TMEM231: variants seen among roughly 807,000 people sequenced by gnomAD.
TMEM231 encodes transmembrane protein 231.
In TMEM231, 40 loss-of-function variants were observed where a neutral mutation model predicts 38.5. That is an observed-to-expected ratio of 1.04 (90% CI 0.81 to 1.35). The LOEUF (loss-of-function observed/expected upper bound fraction) is 1.35. TMEM231 is among the 40% of genes most tolerant of loss of function. The probability of loss-of-function intolerance (pLI) is 0.00; values close to 1 mark genes in which losing one functional copy is unlikely to be tolerated. For missense variants in TMEM231, 420 were observed against 416.9 expected (o/e 1.01, Z -0.07); for synonymous variants, 199 against 181.7 (o/e 1.10, Z -0.77).
intron 4 of TMEM231, among the ~76,000 whole-genome samples, chr16:75,544,102 G>T (rs932567917): frequency 6.6e-6 from 1 of 152,216 alleles, no homozygotes; most frequent in African/African-American, 2.4e-5. Flanking sequence ...TACGTCTTCT[G>T]CAAAATGAGT....
Position 75,537,098 on chromosome 16 carries a change from G to C in TMEM231, c.*2896C>G, listed in dbSNP as rs1204668336. On this transcript the variant is annotated 3_prime_UTR_variant, in exon 7 of 7. Coordinates refer to ENST00000258173, the MANE Select transcript of TMEM231 (RefSeq NM_001077418.3). ...GATCATGCTGCTGCACTCCAGCCTG[G>C]GTAACAGAGTGAGACTCTGTCTCAA... 6.8e-6 allele frequency: 1 copy of C among 147,888 alleles called. No individual in the cohort carries two copies. Among genetic ancestry groups the C allele is most frequent in the Non-Finnish European group, 1.5e-5 (1 of 67,592 alleles). The allele number at this position is 147,888 out of a possible 1,614,324, so 9.2% of individuals were successfully genotyped here.
chr16:75,549,857 C>T (rs750609830), intron 2 of TMEM231, among the ~76,000 whole-genome samples: 4 of 152,024 alleles, frequency 2.6e-5, no homozygotes, highest in African/African-American at 7.3e-5. Flanking sequence ...TACAGGTGTG[C>T]GCCACTACGC....
intron 2 of TMEM231, among the ~76,000 whole-genome samples, chr16:75,548,813 G>A (rs1022556902): frequency 6.6e-6 from 1 of 152,216 alleles, no homozygotes; most frequent in Admixed American, 6.5e-5. Flanking sequence ...AGGTTGCAGT[G>A]AGCCGAGATC....
intron 2 of TMEM231, among the ~76,000 whole-genome samples, chr16:75,548,932 A>C (rs1314180423): frequency 6.6e-6 from 1 of 152,142 alleles, no homozygotes; most frequent in Non-Finnish European, 1.5e-5. Context: ...GGATGACCCA[A>C]CTTGTTGGAG....
intron 2 of TMEM231, among the ~76,000 whole-genome samples, chr16:75,553,501 A>G (rs1475992697): frequency 1.3e-5 from 2 of 151,942 alleles, no homozygotes; most frequent in African/African-American, 4.8e-5. Context: ...GCATGCCTGC[A>G]GTCCCAGCTA....
chr16:75,551,918 C>A (rs188095190), intron 2 of TMEM231, among the ~76,000 whole-genome samples: 20 of 150,826 alleles, frequency 1.3e-4, no homozygotes, highest in African/African-American at 4.6e-4. Context: ...GAAGAGATTG[C>A]GCCACTGCAC....
chr16:75,539,925 T>A lies in TMEM231; in HGVS notation c.*69A>T, dbSNP rs139090728. On this transcript the variant is annotated 3_prime_UTR_variant, in exon 7 of 7. Coordinates refer to ENST00000258173, the MANE Select transcript of TMEM231 (RefSeq NM_001077418.3). ...GTGTCCGCTGGGCTCTTTCAAAAGG[T>A]CCTAAGATGTTCCCAGAAGATGACA... The A allele has an allele frequency of 3.1e-3, 4,339 of 1,419,266 alleles. 14 individuals are homozygous for A. Among genetic ancestry groups the A allele is most frequent in the Non-Finnish European group, 3.9e-3 (4,034 of 1,043,386 alleles). 87.9% of individuals were successfully genotyped at this position (1,419,266 alleles called of 1,614,324 possible).
intron 4 of TMEM231, among the ~76,000 whole-genome samples, chr16:75,544,460 G>A (rs912256672): frequency 2.6e-5 from 4 of 152,112 alleles, no homozygotes; most frequent in African/African-American, 9.7e-5. Flanking sequence ...TTGAGGAACA[G>A]CAAAAAGGCC....
At chr16:75,549,910 T>A (rs2080737732) in intron 2 of TMEM231, among the ~76,000 whole-genome samples, 1 of 152,112 alleles carries the variant, frequency 6.6e-6, no homozygotes, top group Non-Finnish European at 1.5e-5. Context: ...GGTTTCACCG[T>A]GTTGGCCAGG....
In TMEM231 at chr16:75,556,120, G is replaced by A. The variant is rs758878104; in HGVS notation, c.90C>T (p.Ala30=). The part of the protein sequence containing the change: ...CSKAALFLLL[A]AALTYIPPLL... ...GCGGCGGGATGTACGTGAGCGCAGC[G>A]GCCAGCAGCAGGAACAGCGCGGCTT... The change falls in exon 1 of 7, where the codon GCC becomes GCT. Residue 30 remains alanine (A), a synonymous_variant. Coordinates refer to ENST00000258173, the MANE Select transcript of TMEM231 (RefSeq NM_001077418.3). The A allele has an allele frequency of 1.8e-5, 29 of 1,575,356 alleles. No homozygotes were observed. In the African/African-American group the frequency reaches 2.3e-4, roughly 13 times the overall value.
At chr16:75,554,662 T>G (rs1236970244) in intron 2 of TMEM231, among the ~76,000 whole-genome samples, 1 of 152,268 alleles carries the variant, frequency 6.6e-6, no homozygotes, top group East Asian at 1.9e-4. Context: ...TTAATAAGTA[T>G]TGATACATAT....
rs115162059 is a variant in TMEM231 at position 75,543,053 on chromosome 16, T to C, written c.583-370A>G. Among the ~76,000 whole-genome samples, 455 of 152,258 alleles carry C rather than the reference T, an allele frequency of 3.0e-3. 1 individual carries two copies. Among genetic ancestry groups the C allele is most frequent in the African/African-American group, 0.011 (448 of 41,552 alleles). On this transcript the variant is annotated intron_variant, in intron 4 of 6. Coordinates refer to ENST00000258173, the MANE Select transcript of TMEM231 (RefSeq NM_001077418.3). The stretch of plus-strand genomic sequence containing the variant: ...GCTATTTTTAAAATACCCCTCTTTA[T>C]CTCAGCGGGAGAAAGAATTCCTTAA...
rs1567433323 is a variant in TMEM231 at position 75,539,132 on chromosome 16, AGGGGGAG to A, written c.*855_*861del. Reference sequence around the variant, plus strand: ...CCTGTCGCCCCTGTCCTTTGCAGGAAGGGGGAGGGCTGTCAAGGAGGAGGAGGGCCAA... The same window carrying A: ...CCTGTCGCCCCTGTCCTTTGCAGGAAGGCTGTCAAGGAGGAGGAGGGCCAA... On this transcript the variant is annotated 3_prime_UTR_variant, in exon 7 of 7. Transcript: ENST00000258173. 6.6e-6 allele frequency: 1 copy of A among 151,638 alleles called. No individual in the cohort carries two copies. The highest frequency in any genetic ancestry group is 2.4e-5 in the African/African-American group (1 of 41,368). The allele number at this position is 151,638 out of a possible 1,614,324, so 9.4% of individuals were successfully genotyped here.
intron 5 of TMEM231, 120 bp from the exon 6 acceptor site, chr16:75,541,575 G>C: frequency 1.8e-6 from 1 of 555,584 alleles, no homozygotes; most frequent in South Asian, 3.6e-5. Flanking sequence ...GAAATCATTC[G>C]GAAGGAAAGA....
At chr16:75,549,610 A>G (rs8057684) in intron 2 of TMEM231, among the ~76,000 whole-genome samples, 2,659 of 152,312 alleles carry the variant, frequency 0.017, 67 homozygotes, top group African/African-American at 0.061. Context: ...ATAGCTCATA[A>G]GAACTCTAAC....
chr16:75,546,168 A>G (rs888912035), intron 2 of TMEM231: 1 of 1,462,104 alleles, frequency 6.8e-7, no homozygotes. Context: ...TGGGCCTTTC[A>G]AATGTTCACT....
intron 4 of TMEM231, among the ~76,000 whole-genome samples, chr16:75,544,503 G>T (rs1241807521): frequency 6.6e-6 from 1 of 152,192 alleles, no homozygotes. Flanking sequence ...CGGGGGCAGT[G>T]ATGGGACAAG....
chr16:75,541,417 C>T lies in TMEM231; in HGVS notation c.703G>A (p.Val235Met), dbSNP rs754926460. The change falls in exon 6 of 7, where the codon GTG becomes ATG. Residue 235 changes from valine to methionine, a missense_variant. Transcript: ENST00000258173. ...AATGGAGCATCTGCGGCCCTGCCCA[C>T]CAGCCAGATGGGGTTGGGATCATTC... is the stretch of plus-strand genomic sequence containing the variant. ...VLNDPNPIWL[V>M]GRAADAPFVI... The T allele has an allele frequency of 6.2e-7, 1 of 1,612,144 alleles. No homozygotes were observed. The highest frequency in any genetic ancestry group is 1.1e-5 in the South Asian group (1 of 90,780).
chr16:75,539,202 T>C lies in TMEM231; in HGVS notation c.*792A>G, dbSNP rs2080592750. 1 of 151,924 alleles carries C rather than the reference T, an allele frequency of 6.6e-6. No individual in the cohort carries two copies. The allele number at this position is 151,924 out of a possible 1,614,324, so 9.4% of individuals were successfully genotyped here. On this transcript the variant is annotated 3_prime_UTR_variant, in exon 7 of 7. Transcript: ENST00000258173. ...TTGGGTGAGGGCCAGAAAGAACCTGTTGTGACAATGCTTTCTTCCCCCAGT... is the reference window on the plus strand; with the variant it reads ...TTGGGTGAGGGCCAGAAAGAACCTGCTGTGACAATGCTTTCTTCCCCCAGT...
Sources: gnomAD v4.1 joint callset for allele counts (sites outside exome capture counted in the v4.1 genomes callset) on GRCh38, gnomAD v4.1.1 for gene constraint, MANE v1.5 for transcripts, NCBI Gene and HGNC (gene_info 2026-07-23, HGNC 2026-07-21) for gene names.